Variants in LMNB2 observed in about 807,000 individuals in gnomAD.
LMNB2 encodes the protein lamin-B2.
In LMNB2, 17 loss-of-function variants were observed where a neutral mutation model predicts 69.3. That is an observed-to-expected ratio of 0.25 (90% confidence interval 0.17 to 0.37). LMNB2 has a LOEUF of 0.37. LMNB2 is among the 10% of genes least tolerant of loss of function. The pLI, the probability that LMNB2 is intolerant of heterozygous loss-of-function variation, is 1.00. For synonymous variants in LMNB2, 397 were observed against 389.3 expected, an observed-to-expected ratio of 1.02 and a Z score of -0.23; for missense variants, 789 against 883.6, an observed-to-expected ratio of 0.89 and a Z score of 1.36.
intron 2 of LMNB2, among the ~76,000 whole-genome samples, chr19:2,441,050 G>A (rs1599336495): frequency 6.6e-6 from 1 of 152,246 alleles, no homozygotes; most frequent in Non-Finnish European, 1.5e-5. Flanking sequence ...ACCAGGAGCT[G>A]CCCCAGGCTG....
intron 1 of LMNB2, among the ~76,000 whole-genome samples, chr19:2,452,314 A>G (rs1419996301): frequency 2.0e-5 from 3 of 152,010 alleles, no homozygotes; most frequent in Non-Finnish European, 2.9e-5. Flanking sequence ...GGCGCCTGTA[A>G]TCCCAGCTAC....
intron 2 of LMNB2, among the ~76,000 whole-genome samples, chr19:2,441,025 C>T (rs539273105): frequency 6.6e-6 from 1 of 152,270 alleles, no homozygotes; most frequent in African/African-American, 2.4e-5. Context: ...TGAATTTGCG[C>T]CTTCTGTCAG....
At chr19:2,446,937 G>A (rs551146718) in intron 1 of LMNB2, among the ~76,000 whole-genome samples, 151 of 152,178 alleles carry the variant, frequency 9.9e-4, no homozygotes, top group African/African-American at 3.6e-3. Flanking sequence ...TCAGGAGATC[G>A]AGACCATCCT....
chr19:2,443,187 C>T lies in LMNB2; in HGVS notation c.401+1217G>A, dbSNP rs545973838. ...GGCTGGTGCCTGGCCCCAGGGTCCC[C>T]GGCTCATGGCCACCATCAGGGCACA... is the stretch of plus-strand genomic sequence containing the variant. On this transcript the variant is annotated intron_variant, in intron 2 of 11. Coordinates refer to ENST00000325327, the MANE Select transcript of LMNB2 (RefSeq NM_032737.4). The surrounding 1 kb of genome is among the most constrained non-coding windows in gnomAD (Gnocchi z 6.2). Among the ~76,000 whole-genome samples the T allele has an allele frequency of 4.6e-5, 7 of 152,288 alleles. No homozygotes were observed. In the South Asian group the frequency reaches 8.3e-4, roughly 18 times the overall value.
chr19:2,434,152 C>T, intron 7 of LMNB2, 47 bp from the exon 8 acceptor site: 2 of 1,557,364 alleles, frequency 1.3e-6, no homozygotes, highest in Non-Finnish European at 1.7e-6. Context: ...GAGCCCCAGA[C>T]AGCCCAGGGC....
intron 1 of LMNB2, among the ~76,000 whole-genome samples, chr19:2,451,768 AG>A (rs1972024880): frequency 6.6e-6 from 1 of 151,998 alleles, no homozygotes; most frequent in Non-Finnish European, 1.5e-5. Context: ...CGGCTGGAGG[AG>A]GCCACGGTGG....
intron 2 of LMNB2, among the ~76,000 whole-genome samples, chr19:2,441,598 C>A (rs1301079455): frequency 1.3e-5 from 2 of 152,220 alleles, no homozygotes; most frequent in Non-Finnish European, 2.9e-5. Context: ...TTGGGCAAAT[C>A]CCGAGTGCCC....
Position 2,453,176 on chromosome 19 carries a change from G to A in LMNB2, c.264+3494C>T, listed in dbSNP as rs73512109. Among the ~76,000 whole-genome samples, 18,276 of 152,054 alleles carry A rather than the reference G, an allele frequency of 0.12. 1,494 individuals carry two copies. Among genetic ancestry groups the A allele is most frequent in the African/African-American group, 0.24 (9,880 of 41,448 alleles). On this transcript the variant is annotated intron_variant, in intron 1 of 11. Transcript: ENST00000325327. This position sits in a 1 kb window ranked among gnomAD's most constrained non-coding sequence, Gnocchi z 4.4. ...CCTCCACCCACGCTGTGCCGATGCCGTCTCCCTCCCAATGTGACAACCAAG... is the reference window on the plus strand; with the variant it reads ...CCTCCACCCACGCTGTGCCGATGCCATCTCCCTCCCAATGTGACAACCAAG...
rs1306877184 is a variant in LMNB2, at chr19:2,449,508, G to A, written c.265-4968C>T. ...AAGATAATCCATTAGGGCCCGGTGCGCTGGTGCATGCCTGAAATCCCAGCA... is the reference window on the plus strand; with the variant it reads ...AAGATAATCCATTAGGGCCCGGTGCACTGGTGCATGCCTGAAATCCCAGCA... On this transcript the variant is annotated intron_variant, in intron 1 of 11. Coordinates refer to ENST00000325327, the MANE Select transcript of LMNB2 (RefSeq NM_032737.4). Among the ~76,000 whole-genome samples the A allele has an allele frequency of 3.3e-5, 5 of 152,334 alleles. No individual in the cohort carries two copies. The East Asian group carries it at 5.8e-4, about 18-fold the overall frequency.
intron 4 of LMNB2, among the ~76,000 whole-genome samples, chr19:2,435,946 C>G (rs1453294478): frequency 6.6e-6 from 1 of 152,030 alleles, no homozygotes; most frequent in Non-Finnish European, 1.5e-5. Context: ...GTCAGGAGTT[C>G]GAGACCAGCC....
intron 4 of LMNB2, 125 bp downstream of exon 4, chr19:2,438,038 A>C: frequency 7.1e-7 from 1 of 1,410,910 alleles, no homozygotes; most frequent in Non-Finnish European, 9.9e-7. Context: ...GGCAGGAAGG[A>C]GCCTCCCTAG....
chr19:2,441,008 G>C (rs958408657), intron 2 of LMNB2, among the ~76,000 whole-genome samples: 1 of 152,200 alleles, frequency 6.6e-6, no homozygotes, highest in African/African-American at 2.4e-5. Context: ...GTTTCCTATC[G>C]CTGTGCTGAA....
intron 1 of LMNB2, among the ~76,000 whole-genome samples, chr19:2,456,438 G>A (rs1386911790): frequency 1.4e-5 from 2 of 146,982 alleles, no homozygotes; most frequent in African/African-American, 5.1e-5. Flanking sequence ...CTCGAGACCC[G>A]GGCCCGTCCC....
At position 2,455,762 on chromosome 19, in the gene LMNB2, G is replaced by A. The variant is rs1599344367; in HGVS notation, c.264+908C>T. On this transcript the variant is annotated intron_variant, in intron 1 of 11. Coordinates refer to ENST00000325327, the MANE Select transcript of LMNB2 (RefSeq NM_032737.4). The stretch of plus-strand genomic sequence containing the variant: ...CTCCCAAGGGGTCCCCCAAGATCTC[G>A]GAAACTGCGGTGGGCAGGGCCTGCC... 2.0e-5 allele frequency among the ~76,000 whole-genome samples: 3 copies of A among 151,312 alleles called. No individual in the cohort carries two copies. The South Asian group carries it at 6.3e-4, about 32-fold the overall frequency.
chr19:2,437,784 A>G (rs1426402463), intron 4 of LMNB2, among the ~76,000 whole-genome samples: 4 of 115,696 alleles, frequency 3.5e-5, no homozygotes, highest in African/African-American at 1.6e-4. Context: ...TGGGTGACAG[A>G]GTGAAACTCC....
chr19:2,448,770 C>A (rs1208702636), intron 1 of LMNB2, among the ~76,000 whole-genome samples: 1 of 152,224 alleles, frequency 6.6e-6, no homozygotes, highest in Non-Finnish European at 1.5e-5. Context: ...ATTGCTTGAA[C>A]CCAGGAGGCA....
intron 2 of LMNB2, among the ~76,000 whole-genome samples, chr19:2,442,963 C>T (rs1019694348): frequency 1.3e-5 from 2 of 152,220 alleles, no homozygotes; most frequent in Admixed American, 6.5e-5. Context: ...CCCATCTGCA[C>T]GGTGTAGTTC....
In LMNB2 at chr19:2,434,375, G is replaced by A. The variant is rs769918459; in HGVS notation, c.1122C>T (p.Tyr374=). 22 of 1,613,304 alleles carry A rather than the reference G, an allele frequency of 1.4e-5. No homozygotes were observed. Among genetic ancestry groups the A allele is most frequent in the Non-Finnish European group, 1.7e-5 (20 of 1,180,000 alleles). The change falls in exon 7 of 12, where the codon TAC becomes TAT. Residue 374 remains tyrosine (Y), a synonymous_variant. Transcript: ENST00000325327. The part of the protein sequence containing the change: ...RDVMQQQLAE[Y]QELLDVKLAL... ...CCAGCTTCACGTCCAGCAGCTCCTG[G>A]TACTCGGCCAGCTGCTGCTGCATCA...
Position 2,443,404 on chromosome 19 carries a change from T to C in LMNB2, c.401+1000A>G, listed in dbSNP as rs1036330197. Among the ~76,000 whole-genome samples, 1 of 151,996 alleles carries C rather than the reference T, an allele frequency of 6.6e-6. No individual in the cohort carries two copies. Among genetic ancestry groups the C allele is most frequent in the Non-Finnish European group, 1.5e-5 (1 of 67,978 alleles). On this transcript the variant is annotated intron_variant, in intron 2 of 11. Coordinates refer to ENST00000325327, the MANE Select transcript of LMNB2 (RefSeq NM_032737.4). The surrounding 1 kb of genome is among the most constrained non-coding windows in gnomAD (Gnocchi z 6.2). ...GGCCCCGGCACTGTTGGACACAGGG[T>C]CCCCGGTCATTCCTCTGGCCACACT...
Sources: allele counts gnomAD v4.1 joint callset (sites outside exome capture counted in the v4.1 genomes callset), GRCh38; gene constraint gnomAD v4.1.1; non-coding constraint Gnocchi (gnomAD v3.1); transcripts MANE v1.5; gene names NCBI Gene and HGNC (gene_info 2026-07-23, HGNC 2026-07-21).